The following PRSS23 variants were observed in gnomAD, a reference collection of about 807,000 sequenced individuals.
PRSS23 encodes the protein serine protease 23.
A neutral mutation model predicts 34.7 loss-of-function variants in PRSS23; 25 were observed. The observed-to-expected ratio is 0.72, with a 90% CI of 0.53 to 1.01. PRSS23 has a LOEUF of 1.01. Ranked by LOEUF, PRSS23 falls within the 50% of genes least tolerant of loss-of-function variation. PRSS23 has a pLI of 0.00. For missense variants in PRSS23, 445 were observed against 475.6 expected (o/e 0.94, Z 0.60); for synonymous variants, 176 against 186.6 (o/e 0.94, Z 0.46).
intron 2 of PRSS23, among the ~76,000 whole-genome samples, chr11:86,928,083 T>C (rs1331505750): frequency 1.3e-5 from 2 of 150,666 alleles, no homozygotes; most frequent in African/African-American, 4.9e-5. Context: ...TATGTATGTA[T>C]ATGTATATAT....
chr11:86,944,749 G>C (rs770028340), intron 2 of PRSS23, among the ~76,000 whole-genome samples: 1 of 152,196 alleles, frequency 6.6e-6, no homozygotes, highest in Non-Finnish European at 1.5e-5. Flanking sequence ...ATAGGTAATG[G>C]AAAGAGAAAC....
intron 2 of PRSS23, among the ~76,000 whole-genome samples, chr11:86,890,639 G>A (rs1948835258): frequency 6.6e-6 from 1 of 152,160 alleles, no homozygotes; most frequent in Non-Finnish European, 1.5e-5. Context: ...GTGAAACACG[G>A]GCTGTACACG....
At chr11:86,802,365 G>C (rs1000784899) in intron 1 of PRSS23, among the ~76,000 whole-genome samples, 8 of 152,188 alleles carry the variant, frequency 5.3e-5, no homozygotes, top group African/African-American at 1.4e-4. Context: ...GTAGTTTCCT[G>C]TACAAGACTG....
intron 2 of PRSS23, among the ~76,000 whole-genome samples, chr11:86,849,201 A>G (rs1186804292): frequency 6.6e-6 from 1 of 152,202 alleles, no homozygotes; most frequent in East Asian, 1.9e-4. Context: ...CCTGCCCTGG[A>G]AGACTGTCCT....
chr11:86,796,180 C>A (rs911226719), upstream of PRSS23, among the ~76,000 whole-genome samples: 1 of 152,124 alleles, frequency 6.6e-6, no homozygotes, highest in South Asian at 2.1e-4. Context: ...GTCTGGGAAG[C>A]AATATAACAC....
At chr11:86,932,932 A>G (rs1738297852) in intron 2 of PRSS23, 1 of 152,220 alleles carries the variant, frequency 6.6e-6, no homozygotes, top group Admixed American at 6.5e-5. Context: ...CTTCCATATC[A>G]AAAGTGGACA....
At chr11:86,903,055 A>T (rs911909673) in intron 2 of PRSS23, among the ~76,000 whole-genome samples, 1 of 152,108 alleles carries the variant, frequency 6.6e-6, no homozygotes, top group Non-Finnish European at 1.5e-5. Context: ...CAACACTTAG[A>T]TATCTTCAAA....
At position 86,808,022 on chromosome 11, in the gene PRSS23, A is replaced by T; in HGVS notation, c.379A>T (p.Lys127Ter). 6.2e-7 allele frequency: 1 copy of T among 1,613,810 alleles called. No individual in the cohort carries two copies. Among genetic ancestry groups the T allele is most frequent in the East Asian group, 2.2e-5 (1 of 44,854 alleles). Residue 127 changes from lysine to a stop codon, truncating the protein, a stop_gained, in exon 2 of 2, where the codon AAG becomes TAG. Coordinates refer to ENST00000280258, the MANE Select transcript of PRSS23 (RefSeq NM_007173.6). LOFTEE classifies it high-confidence loss of function. ...AGGGTCTTCAGGAAAGTCTCGAAGG[A>T]AGCGGCAGATTTATGGCTATGACAG... Reference protein sequence around the residue: ...DSGSSGKSRRKRQIYGYDSRF... With the variant: ...DSGSSGKSRR
At chr11:86,806,790 T>G (rs1006143605) in intron 1 of PRSS23, among the ~76,000 whole-genome samples, 2 of 152,166 alleles carry the variant, frequency 1.3e-5, no homozygotes, top group Non-Finnish European at 2.9e-5. Context: ...CAGGCCCAAA[T>G]TTAAGAGATT....
intron 2 of PRSS23, among the ~76,000 whole-genome samples, chr11:86,891,772 T>G (rs1317055351): frequency 1.3e-5 from 2 of 152,120 alleles, no homozygotes; most frequent in African/African-American, 4.8e-5. Flanking sequence ...GTTTCCCCCA[T>G]GCTGTTCTTG....
intron 2 of PRSS23, among the ~76,000 whole-genome samples, chr11:86,863,259 T>C (rs573475571): frequency 9.8e-5 from 15 of 152,302 alleles, no homozygotes; most frequent in Admixed American, 5.9e-4. Context: ...TGTAACATCA[T>C]AGGAAGATAT....
intron 2 of PRSS23, among the ~76,000 whole-genome samples, chr11:86,945,417 T>C (rs145315744): frequency 8.1e-4 from 123 of 151,508 alleles, no homozygotes; most frequent in African/African-American, 2.9e-3. Flanking sequence ...ACTATAGTTA[T>C]ATCCAAAGCA....
chr11:86,828,877 T>C (rs1240661720), intron 2 of PRSS23, among the ~76,000 whole-genome samples: 1 of 152,230 alleles, frequency 6.6e-6, no homozygotes, highest in Non-Finnish European at 1.5e-5. Context: ...GTTAGTCTGA[T>C]GGGCTTCCGT....
chr11:86,904,443 C>A (rs1021488933), intron 2 of PRSS23, among the ~76,000 whole-genome samples: 4 of 152,074 alleles, frequency 2.6e-5, no homozygotes, highest in Non-Finnish European at 5.9e-5. Context: ...GCCTGGAGTA[C>A]CCATCTTATC....
intron 2 of PRSS23, among the ~76,000 whole-genome samples, chr11:86,877,781 G>A (rs1467645057): frequency 6.9e-6 from 1 of 145,850 alleles, no homozygotes; most frequent in Non-Finnish European, 1.5e-5. Context: ...AACTTTGTTT[G>A]TTTTCAAAAC....
At position 86,800,671 on chromosome 11, in the gene PRSS23, G is replaced by C; in HGVS notation, c.-14+20G>C. On this transcript the variant is annotated intron_variant, in intron 1 of 1. Transcript: ENST00000280258. ...GCGCGGGTGAGTGCGGGCACCGACT[G>C]GGGCATCCGCCCGGGCGCGGGAGAG... is the stretch of plus-strand genomic sequence containing the variant. 1 of 983,344 alleles carries C rather than the reference G, an allele frequency of 1.0e-6. No individual in the cohort carries two copies. The highest frequency in any genetic ancestry group is 4.7e-5 in the South Asian group (1 of 21,256). 60.9% of individuals were successfully genotyped at this position (983,344 alleles called of 1,614,324 possible). A position where few individuals can be genotyped will look rare whatever the true frequency, so the allele number is the denominator to read the frequency against.
chr11:86,859,023 T>A (rs1206110037), intron 2 of PRSS23, among the ~76,000 whole-genome samples: 1 of 151,458 alleles, frequency 6.6e-6, no homozygotes, highest in Admixed American at 6.6e-5. Flanking sequence ...CGCAGGGGTG[T>A]ACACACACCG....
intron 2 of PRSS23, among the ~76,000 whole-genome samples, chr11:86,829,495 G>T (rs1948332897): frequency 6.6e-6 from 1 of 152,222 alleles, no homozygotes; most frequent in Admixed American, 6.5e-5. Context: ...ACTCGTCAAA[G>T]TCATTCTCTG....
At chr11:86,875,894 A>C (rs1345519860) in intron 2 of PRSS23, among the ~76,000 whole-genome samples, 2 of 152,246 alleles carry the variant, frequency 1.3e-5, no homozygotes, top group African/African-American at 2.4e-5. Context: ...TCTGGATATC[A>C]GTAATAGTTG....
Sources: gnomAD v4.1 joint callset for allele counts (sites outside exome capture counted in the v4.1 genomes callset) on GRCh38, gnomAD v4.1.1 for gene constraint, MANE v1.5 for transcripts, NCBI Gene and HGNC (gene_info 2026-07-23, HGNC 2026-07-21) for gene names.